Variants in MCTP1 observed in about 807,000 individuals in gnomAD.
MCTP1 encodes the protein multiple C2 and transmembrane domain-containing protein 1.
In MCTP1, 69 loss-of-function variants were observed where a neutral mutation model predicts 120.6. The ratio of observed to expected loss-of-function variants is 0.57; its 90% CI spans 0.47 to 0.70. The LOEUF is 0.70. Ranked by LOEUF, MCTP1 falls within the 30% of genes least tolerant of loss-of-function variation. MCTP1 has a pLI of 0.00. For missense variants in MCTP1, 1,203 were observed against 1,248.8 expected (o/e 0.96, Z 0.55); for synonymous variants, 529 against 493.1 (o/e 1.07, Z -0.96).
intron 2 of MCTP1, among the ~76,000 whole-genome samples, chr5:94,992,228 G>A (rs1831708102): frequency 6.6e-6 from 1 of 152,066 alleles, no homozygotes; most frequent in African/African-American, 2.4e-5. Flanking sequence ...TTCTCATTTG[G>A]GAATATTCAC....
intron 1 of MCTP1, among the ~76,000 whole-genome samples, chr5:95,247,696 C>A (rs1328384425): frequency 6.6e-6 from 1 of 152,102 alleles, no homozygotes; most frequent in Non-Finnish European, 1.5e-5. Context: ...TGTAGTTGTG[C>A]GATTTTGAGT....
At chr5:95,041,560 CT>C in intron 1 of MCTP1, among the ~76,000 whole-genome samples, 1 of 152,194 alleles carries the variant, frequency 6.6e-6, no homozygotes, top group South Asian at 2.1e-4. Flanking sequence ...GTATTACTTA[CT>C]TCAAGTAATT....
chr5:95,280,109 T>C (rs527618968), intron 1 of MCTP1, among the ~76,000 whole-genome samples: 4 of 152,354 alleles, frequency 2.6e-5, no homozygotes, highest in African/African-American at 7.2e-5. Flanking sequence ...TGAATCATTT[T>C]GTTAAATATG....
At chr5:94,969,065 A>G (rs751649882) in intron 2 of MCTP1, among the ~76,000 whole-genome samples, 17 of 152,324 alleles carry the variant, frequency 1.1e-4, no homozygotes, top group South Asian at 2.1e-4. Flanking sequence ...GTTCTAGACT[A>G]TCCTAGACCT....
intron 2 of MCTP1, among the ~76,000 whole-genome samples, chr5:94,962,652 A>T (rs560504942): frequency 6.6e-6 from 1 of 152,164 alleles, no homozygotes; most frequent in South Asian, 2.1e-4. Context: ...GCTCTCACTC[A>T]TAAGTGGGAG....
At chr5:95,084,210 T>C (rs1755255768) in intron 1 of MCTP1, among the ~76,000 whole-genome samples, 1 of 152,148 alleles carries the variant, frequency 6.6e-6, no homozygotes, top group Non-Finnish European at 1.5e-5. Context: ...ATGTATTCTT[T>C]AGGTAATTTG....
intron 1 of MCTP1, among the ~76,000 whole-genome samples, chr5:95,133,579 T>C (rs1295866571): frequency 6.6e-6 from 1 of 152,184 alleles, no homozygotes; most frequent in African/African-American, 2.4e-5. Context: ...CACTTCAACC[T>C]GGGAGGTGAA....
At chr5:94,795,547 G>A (rs1265023132) in intron 18 of MCTP1, among the ~76,000 whole-genome samples, 1 of 152,190 alleles carries the variant, frequency 6.6e-6, no homozygotes, top group Admixed American at 6.5e-5. Context: ...CCCAGGTTTT[G>A]AAGTGACAGC....
intron 17 of MCTP1, among the ~76,000 whole-genome samples, chr5:94,800,938 A>G (rs1200003697): frequency 6.6e-6 from 1 of 151,866 alleles, no homozygotes; most frequent in Non-Finnish European, 1.5e-5. Flanking sequence ...CCAGAAAAAG[A>G]AAAATATTTT....
intron 1 of MCTP1, among the ~76,000 whole-genome samples, chr5:95,257,972 C>T (rs1337891259): frequency 1.3e-5 from 2 of 152,164 alleles, no homozygotes; most frequent in East Asian, 3.8e-4. Flanking sequence ...TTAGTCCACA[C>T]TGATATAAAT....
rs569755343 is a variant in MCTP1, at chr5:95,099,360, C to T, written c.721-81876G>A. ...AACCCACAAAATGGGAGAAAATTTT[C>T]GCAACCTACTCATCTGACAAAGGGC... On this transcript the variant is annotated intron_variant, in intron 1 of 22. Transcript: ENST00000515393. Among the ~76,000 whole-genome samples the T allele has an allele frequency of 4.0e-5, 6 of 150,988 alleles. No individual in the cohort carries two copies. In the East Asian group the frequency reaches 9.7e-4, roughly 24 times the overall value.
chr5:94,868,390 G>A lies in MCTP1; in HGVS notation c.2379C>T (p.Tyr793=). ...RCVMVLVNAA[Y]YVNSCFDWDS... ...CCCAATCAAAGCAACTATTAACGTA[G>A]TATGCAGCATTTACCAGCACCATGA... Residue 793 remains tyrosine, a synonymous_variant, in exon 17 of 23, where the codon TAC becomes TAT. Transcript: ENST00000515393. 6.2e-7 allele frequency: 1 copy of A among 1,609,012 alleles called. No individual in the cohort carries two copies. Among genetic ancestry groups the A allele is most frequent in the South Asian group, 1.1e-5 (1 of 90,446 alleles).
intron 17 of MCTP1, among the ~76,000 whole-genome samples, chr5:94,864,554 T>C (rs1280601129): frequency 6.6e-6 from 1 of 151,912 alleles, no homozygotes; most frequent in East Asian, 1.9e-4. Context: ...CTCTCTCATG[T>C]AGCACTAGCG....
At chr5:94,959,387 TC>T (rs1823533885) in intron 2 of MCTP1, among the ~76,000 whole-genome samples, 1 of 152,108 alleles carries the variant, frequency 6.6e-6, no homozygotes, top group African/African-American at 2.4e-5. Flanking sequence ...CTCTCACCAC[TC>T]CTATTCAATA....
chr5:94,878,913 G>C (rs1351941057), intron 12 of MCTP1, among the ~76,000 whole-genome samples: 1 of 152,030 alleles, frequency 6.6e-6, no homozygotes, highest in Non-Finnish European at 1.5e-5. Context: ...AGATTTAATT[G>C]GGGTGGTCAG....
At chr5:94,965,729 A>G (rs1825429810) in intron 2 of MCTP1, among the ~76,000 whole-genome samples, 1 of 152,222 alleles carries the variant, frequency 6.6e-6, no homozygotes, top group Admixed American at 6.5e-5. Flanking sequence ...TCATGTTGAA[A>G]CTAATCCTCA....
intron 1 of MCTP1, among the ~76,000 whole-genome samples, chr5:95,281,233 TGAGAGA>T (rs1760286846): frequency 6.6e-6 from 1 of 152,202 alleles, no homozygotes; most frequent in Non-Finnish European, 1.5e-5. Context: ...GATGAGCTGC[TGAGAGA>T]GTAAGGAAAG....
intron 1 of MCTP1, among the ~76,000 whole-genome samples, chr5:95,095,250 C>T (rs1020999457): frequency 6.6e-6 from 1 of 151,794 alleles, no homozygotes; most frequent in Non-Finnish European, 1.5e-5. Context: ...GTCTCGATCT[C>T]CTGACCTCGT....
At chr5:94,967,491 T>C (rs897159422) in intron 2 of MCTP1, among the ~76,000 whole-genome samples, 1 of 152,236 alleles carries the variant, frequency 6.6e-6, no homozygotes, top group African/African-American at 2.4e-5. Context: ...TACACTAGGC[T>C]GTCTCCAAAC....
Sources: allele counts gnomAD v4.1 joint callset (sites outside exome capture counted in the v4.1 genomes callset), GRCh38; gene constraint gnomAD v4.1.1; transcripts MANE v1.5; gene names NCBI Gene and HGNC (gene_info 2026-07-23, HGNC 2026-07-21).